GRIA2: variants seen among roughly 807,000 people sequenced by gnomAD.
The protein encoded by GRIA2 is glutamate ionotropic receptor AMPA type subunit 2.
Under a neutral mutation model 97.3 loss-of-function variants are expected in GRIA2, and 14 were observed. That is an observed-to-expected ratio of 0.14 (90% confidence interval 0.10 to 0.23). GRIA2 has a LOEUF of 0.23. GRIA2 is among the 10% of genes least tolerant of loss of function. The pLI is 1.00. For missense variants in GRIA2, 558 were observed against 1,069.8 expected (o/e 0.52, Z 6.67); for synonymous variants, 412 against 387.8 (o/e 1.06, Z -0.73).
intron 2 of GRIA2, among the ~76,000 whole-genome samples, chr4:157,293,370 G>C (rs1361181613): frequency 6.6e-6 from 1 of 152,082 alleles, no homozygotes; most frequent in African/African-American, 2.4e-5. Context: ...TCATACAATG[G>C]TTTAAAAGAG....
In GRIA2 at chr4:157,293,488, C is replaced by T. The variant is rs908583192; in HGVS notation, c.230-10064C>T. On this transcript the variant is annotated intron_variant, in intron 2 of 15. Transcript: ENST00000264426. ...ATCAAAAACATAACAAAACCAGAAA[C>T]GCACAAACAAATTCGACTCTTACTA... Among the ~76,000 whole-genome samples, 6 of 152,160 alleles carry T rather than the reference C, an allele frequency of 3.9e-5. No homozygotes were observed. In the South Asian group the frequency reaches 8.3e-4, roughly 21 times the overall value.
At chr4:157,300,074 C>G (rs932299784) in intron 2 of GRIA2, among the ~76,000 whole-genome samples, 1 of 150,362 alleles carries the variant, frequency 6.7e-6, no homozygotes, top group Non-Finnish European at 1.5e-5. Context: ...GTTTATGACA[C>G]GTTATTTCTG....
chr4:157,241,871 T>A (rs1452709793), intron 2 of GRIA2, among the ~76,000 whole-genome samples: 1 of 152,116 alleles, frequency 6.6e-6, no homozygotes, highest in Non-Finnish European at 1.5e-5. Flanking sequence ...AAAGTAACAC[T>A]GAGCATTAGA....
At chr4:157,308,810 G>A (rs1318217297) in intron 3 of GRIA2, among the ~76,000 whole-genome samples, 1 of 152,082 alleles carries the variant, frequency 6.6e-6, no homozygotes, top group Non-Finnish European at 1.5e-5. Flanking sequence ...AATTGAATAC[G>A]GTACAAAGAG....
chr4:157,353,851 ATAAAT>A (rs1463950351), intron 12 of GRIA2, among the ~76,000 whole-genome samples: 18 of 152,294 alleles, frequency 1.2e-4, no homozygotes, highest in Middle Eastern at 3.4e-3. Context: ...ATTTAAAATG[ATAAAT>A]TAATCGTATA....
At chr4:157,248,154 T>C (rs759320306) in intron 2 of GRIA2, among the ~76,000 whole-genome samples, 1 of 151,344 alleles carries the variant, frequency 6.6e-6, no homozygotes, top group African/African-American at 2.4e-5. Flanking sequence ...GTCTATATTT[T>C]TGAAGTCAGT....
At chr4:157,315,021 G>T (rs1734249563) in intron 4 of GRIA2, among the ~76,000 whole-genome samples, 2 of 152,176 alleles carry the variant, frequency 1.3e-5, no homozygotes, top group Non-Finnish European at 2.9e-5. Flanking sequence ...GGAGGAGAAA[G>T]AACCTTTCTT....
chr4:157,352,598 T>TA (rs1321352170), intron 12 of GRIA2, among the ~76,000 whole-genome samples: 3 of 151,312 alleles, frequency 2.0e-5, no homozygotes, highest in Non-Finnish European at 2.9e-5. Context: ...TGGGCGCCTG[T>TA]AATCCTAACT....
rs1200689252 is a variant in GRIA2 at position 157,361,530 on chromosome 4, A to G, written c.2406+406A>G. 2.6e-6 allele frequency: 4 copies of G among 1,520,870 alleles called. No individual in the cohort carries two copies. The highest frequency in any genetic ancestry group is 1.1e-5 in the South Asian group (1 of 88,988). 94.2% of individuals were successfully genotyped at this position (1,520,870 alleles called of 1,614,324 possible). On this transcript the variant is annotated intron_variant, in intron 14 of 15. Transcript: ENST00000264426. This position sits in a 1 kb window ranked among gnomAD's most constrained non-coding sequence, Gnocchi z 5.2. The stretch of plus-strand genomic sequence containing the variant: ...GATAATGTTATTTATGTTATTTTCC[A>G]CGTGAAGAACCCCAGTAAATCTTGC...
chr4:157,333,383 T>TA, intron 8 of GRIA2, 30 bp downstream of exon 8: 1 of 1,200,218 alleles, frequency 8.3e-7, no homozygotes, highest in Non-Finnish European at 1.2e-6. Context: ...AAGGCAGTTC[T>TA]ATGTGAGGAG....
At chr4:157,263,708 G>A (rs1731647157) in intron 2 of GRIA2, among the ~76,000 whole-genome samples, 1 of 151,466 alleles carries the variant, frequency 6.6e-6, no homozygotes, top group South Asian at 2.1e-4. Context: ...ACATTTAGCT[G>A]TTTAAAAAAT....
intron 2 of GRIA2, among the ~76,000 whole-genome samples, chr4:157,223,259 A>G (rs909813388): frequency 2.0e-5 from 3 of 152,210 alleles, no homozygotes; most frequent in Non-Finnish European, 4.4e-5. Flanking sequence ...TTAGACTGAT[A>G]GAATAGGGGC....
intron 12 of GRIA2, among the ~76,000 whole-genome samples, chr4:157,349,956 C>A (rs1425836907): frequency 6.6e-6 from 1 of 152,040 alleles, no homozygotes; most frequent in African/African-American, 2.4e-5. Context: ...AAATTAGTTT[C>A]CAAATTCTGT....
intron 2 of GRIA2, among the ~76,000 whole-genome samples, chr4:157,233,061 G>A (rs1291551048): frequency 6.6e-6 from 1 of 152,168 alleles, no homozygotes; most frequent in African/African-American, 2.4e-5. Flanking sequence ...GGATTGTTTT[G>A]ATGAGCACTT....
At chr4:157,344,437 G>A (rs1735682072) in intron 12 of GRIA2, among the ~76,000 whole-genome samples, 2 of 152,078 alleles carry the variant, frequency 1.3e-5, no homozygotes, top group Admixed American at 6.6e-5. Flanking sequence ...TGCCCAGCCT[G>A]ACCAGGAAAG....
intron 12 of GRIA2, among the ~76,000 whole-genome samples, chr4:157,350,587 C>T (rs1424629703): frequency 2.0e-5 from 3 of 151,090 alleles, no homozygotes; most frequent in South Asian, 2.1e-4. Flanking sequence ...AAAAAAAAGG[C>T]TCTAATGAAA....
intron 2 of GRIA2, among the ~76,000 whole-genome samples, chr4:157,281,612 A>C: frequency 6.6e-6 from 1 of 152,190 alleles, no homozygotes; most frequent in Middle Eastern, 3.4e-3. Context: ...TGTAAATATT[A>C]TTTTGTAATA....
At chr4:157,307,651 T>A (rs1733901252) in intron 3 of GRIA2, among the ~76,000 whole-genome samples, 2 of 152,262 alleles carry the variant, frequency 1.3e-5, no homozygotes, top group African/African-American at 4.8e-5. Context: ...ATATATGTTG[T>A]AAGTTTGAAT....
chr4:157,248,688 T>A (rs1337483565), intron 2 of GRIA2, among the ~76,000 whole-genome samples: 4 of 141,720 alleles, frequency 2.8e-5, no homozygotes, highest in Non-Finnish European at 6.1e-5. Context: ...TATATACACG[T>A]GTATATATAC....
Sources: allele counts gnomAD v4.1 joint callset (sites outside exome capture counted in the v4.1 genomes callset), GRCh38; gene constraint gnomAD v4.1.1; non-coding constraint Gnocchi (gnomAD v3.1); transcripts MANE v1.5; gene names NCBI Gene and HGNC (gene_info 2026-07-23, HGNC 2026-07-21).